Variants in PTPRE observed in about 807,000 individuals in gnomAD.
PTPRE encodes receptor-type tyrosine-protein phosphatase epsilon.
In PTPRE, 51 loss-of-function variants were observed where a neutral mutation model predicts 102.0. The ratio of observed to expected loss-of-function variants is 0.50; its 90% confidence interval spans 0.40 to 0.63. The LOEUF (loss-of-function observed/expected upper bound fraction) is 0.63, where lower values mean the gene tolerates loss of function less well. Among genes scored for constraint, PTPRE ranks in the 30% least tolerant of loss-of-function variants. The pLI, the probability that PTPRE is intolerant of heterozygous loss-of-function variation, is 0.00. For missense variants in PTPRE, 752 were observed against 915.1 expected, an observed-to-expected ratio of 0.82 and a Z score of 2.30; for synonymous variants, 345 against 348.2, an observed-to-expected ratio of 0.99 and a Z score of 0.10.
chr10:128,069,926 G>A (rs1850619999), intron 13 of PTPRE, 99 bp downstream of exon 13: 2 of 1,577,408 alleles, frequency 1.3e-6, no homozygotes, highest in Non-Finnish European at 1.7e-6. Flanking sequence ...ATGGGCACGT[G>A]GCAACCAGCC....
intron 6 of PTPRE, among the ~76,000 whole-genome samples, chr10:128,053,372 G>A (rs1179814761): frequency 6.6e-6 from 1 of 152,220 alleles, no homozygotes; most frequent in Non-Finnish European, 1.5e-5. Context: ...TTATTGGCCA[G>A]TTACTATGAG....
chr10:127,947,253 A>G (rs1848689307), intron 1 of PTPRE, among the ~76,000 whole-genome samples: 1 of 152,242 alleles, frequency 6.6e-6, no homozygotes, highest in African/African-American at 2.4e-5. Context: ...TTGGAAAATT[A>G]AATAAGTGTA....
At chr10:127,967,511 T>A (rs949214263) in intron 1 of PTPRE, among the ~76,000 whole-genome samples, 24 of 152,242 alleles carry the variant, frequency 1.6e-4, no homozygotes, top group Admixed American at 1.5e-3. Context: ...GATATGCTTT[T>A]GCTCCTCCTT....
intron 2 of PTPRE, among the ~76,000 whole-genome samples, chr10:127,992,248 G>T (rs1399697735): frequency 6.6e-6 from 1 of 152,048 alleles, no homozygotes; most frequent in African/African-American, 2.4e-5. Flanking sequence ...GGCCTGTGAG[G>T]CTCAGGTACC....
intron 3 of PTPRE, among the ~76,000 whole-genome samples, chr10:128,042,579 C>T (rs1356285864): frequency 3.3e-5 from 5 of 152,172 alleles, no homozygotes; most frequent in Admixed American, 6.5e-5. Context: ...GGTTATAAGG[C>T]GCAGACGGGC....
At chr10:127,918,567 A>G (rs1318238405) in intron 1 of PTPRE, among the ~76,000 whole-genome samples, 1 of 152,096 alleles carries the variant, frequency 6.6e-6, no homozygotes, top group Non-Finnish European at 1.5e-5. Context: ...TCAAAAAAAA[A>G]AAAAAAAGAG....
chr10:127,919,285 C>A (rs1846426327), intron 1 of PTPRE, among the ~76,000 whole-genome samples: 1 of 152,124 alleles, frequency 6.6e-6, no homozygotes, highest in Non-Finnish European at 1.5e-5. Context: ...AATTTTTGTC[C>A]AAGTCTTTCA....
chr10:128,035,301 A>G (rs1471947953), intron 2 of PTPRE, among the ~76,000 whole-genome samples: 2 of 152,180 alleles, frequency 1.3e-5, no homozygotes, highest in Non-Finnish European at 2.9e-5. Context: ...ACACACACAA[A>G]ATATGTTATT....
chr10:127,978,523 A>G (rs1180880330), intron 1 of PTPRE, among the ~76,000 whole-genome samples: 1 of 151,870 alleles, frequency 6.6e-6, no homozygotes, highest in Non-Finnish European at 1.5e-5. Context: ...CCTGGACTAT[A>G]GAGTGGGACC....
rs760454815 is a variant in PTPRE, at chr10:127,944,830, A to G, written c.-30-37444A>G. On this transcript the variant is annotated intron_variant, in intron 1 of 20. Transcript: ENST00000254667. The surrounding 1 kb of genome is among the most constrained non-coding windows in gnomAD (Gnocchi z 4.2). ...GCATAAAATTAGGTAGGTGGCAATGAGATGGAGAGAGTGGGCAGATTCCAC... is the reference window on the plus strand; with the variant it reads ...GCATAAAATTAGGTAGGTGGCAATGGGATGGAGAGAGTGGGCAGATTCCAC... Among the ~76,000 whole-genome samples, 5 of 152,170 alleles carry G rather than the reference A, an allele frequency of 3.3e-5. No individual in the cohort carries two copies. Among genetic ancestry groups the G allele is most frequent in the African/African-American group, 1.2e-4 (5 of 41,436 alleles).
intron 1 of PTPRE, among the ~76,000 whole-genome samples, chr10:127,960,878 G>A (rs572221179): frequency 4.6e-5 from 7 of 152,098 alleles, no homozygotes; most frequent in South Asian, 2.1e-4. Flanking sequence ...AAAATTAGCC[G>A]GGCGTGGTGG....
At chr10:128,007,232 G>A (rs1030727842) in intron 2 of PTPRE, among the ~76,000 whole-genome samples, 1 of 152,200 alleles carries the variant, frequency 6.6e-6, no homozygotes, top group East Asian at 1.9e-4. Flanking sequence ...GAAAAATACT[G>A]CTCAACTCCA....
At chr10:128,051,929 T>C (rs1223794374) in intron 6 of PTPRE, among the ~76,000 whole-genome samples, 1 of 152,182 alleles carries the variant, frequency 6.6e-6, no homozygotes, top group Non-Finnish European at 1.5e-5. Context: ...AGGGGCCTGA[T>C]CACAGTTCAC....
chr10:127,915,668 C>G (rs1368850336), intron 1 of PTPRE, among the ~76,000 whole-genome samples: 1 of 152,132 alleles, frequency 6.6e-6, no homozygotes, highest in African/African-American at 2.4e-5. Context: ...CAAGCCAGGC[C>G]TATTCTTAGC....
intron 2 of PTPRE, among the ~76,000 whole-genome samples, chr10:128,003,952 A>G (rs762456685): frequency 6.0e-5 from 9 of 149,030 alleles, no homozygotes; most frequent in Non-Finnish European, 1.0e-4. Flanking sequence ...CGCGTCTGCC[A>G]GGACCACAGA....
chr10:128,081,183 G>A (rs1851680962), intron 20 of PTPRE, among the ~76,000 whole-genome samples: 1 of 152,144 alleles, frequency 6.6e-6, no homozygotes, highest in Admixed American at 6.5e-5. Context: ...ATATTATTGA[G>A]TAAAGAGATG....
chr10:128,066,125 C>G lies in PTPRE; in HGVS notation c.774C>G (p.Asn258Lys). The change falls in exon 11 of 21, where the codon AAC (asparagine) becomes AAG (lysine). Residue 258 changes from asparagine (N) to lysine (K), a missense_variant. This residue lies in a region of PTPRE where 636 missense variants were observed against 824.4 expected (regional missense o/e 0.77). Coordinates refer to ENST00000254667, the MANE Select transcript of PTPRE (RefSeq NM_006504.6). The part of the protein sequence containing the change: ...WPDQGCWTYG[N>K]IRVCVEDCVV... ...ACCAAGGCTGCTGGACCTATGGAAA[C>G]ATCCGGGTGTGCGTGGAGGACTGCG... 6.2e-7 allele frequency: 1 copy of G among 1,614,254 alleles called. No individual in the cohort carries two copies. The highest frequency in any genetic ancestry group is 8.5e-7 in the Non-Finnish European group (1 of 1,180,042).
chr10:128,040,852 A>T (rs370425175), intron 2 of PTPRE, 23 bp from the exon 3 acceptor site: 4 of 1,600,246 alleles, frequency 2.5e-6, no homozygotes, highest in Non-Finnish European at 8.6e-7. Context: ...ATGACCTCTG[A>T]GCCTGTCCCT....
chr10:127,922,013 T>G (rs1482249507), intron 1 of PTPRE, among the ~76,000 whole-genome samples: 2 of 152,178 alleles, frequency 1.3e-5, no homozygotes, highest in Non-Finnish European at 2.9e-5. Flanking sequence ...AGGAAAGCAA[T>G]GGAATAGACT....
Sources: gnomAD v4.1 joint callset for allele counts (sites outside exome capture counted in the v4.1 genomes callset) on GRCh38, gnomAD v4.1.1 for gene constraint, gnomAD v4.1.1 regional missense constraint, Gnocchi (gnomAD v3.1) non-coding constraint, MANE v1.5 for transcripts, NCBI Gene and HGNC (gene_info 2026-07-23, HGNC 2026-07-21) for gene names.